The following CIC variants were observed in gnomAD, a reference collection of about 807,000 sequenced individuals.
CIC encodes capicua transcriptional repressor.
A neutral mutation model predicts 115.7 loss-of-function variants in CIC; 18 were observed. The ratio of observed to expected loss-of-function variants is 0.16; its 90% confidence interval spans 0.11 to 0.23. The LOEUF is 0.23. Ranked by LOEUF, CIC falls within the 10% of genes least tolerant of loss-of-function variation. The pLI, the probability that CIC is intolerant of heterozygous loss-of-function variation, is 1.00. For synonymous variants in CIC, 1,076 were observed against 923.0 expected, an observed-to-expected ratio of 1.17 and a Z score of -3.01; for missense variants, 2,000 against 2,159.3, an observed-to-expected ratio of 0.93 and a Z score of 1.46.
intron 2 of CIC, chr19:42,284,456 G>GGGGCC (rs1017211045): frequency 2.1e-5 from 3 of 145,062 alleles, no homozygotes; most frequent in African/African-American, 4.9e-5. Context: ...GGGGCGGGGC[G>GGGGCC]GGGCCGGTGC....
chr19:42,286,661 G>A, intron 2 of CIC, 110 bp from the exon 3 acceptor site: 2 of 1,392,660 alleles, frequency 1.4e-6, no homozygotes, highest in Non-Finnish European at 1.0e-6. Context: ...TGTTGGGGGT[G>A]GGGGGTAGAC....
Position 42,273,892 on chromosome 19 carries a change from G to A in CIC, c.2109G>A (p.Leu703=). 2.5e-6 allele frequency: 1 copy of A among 398,404 alleles called. No individual in the cohort carries two copies. Among genetic ancestry groups the A allele is most frequent in the Non-Finnish European group, 4.4e-6 (1 of 226,046 alleles). The allele number at this position is 398,404 out of a possible 1,614,324, so 24.7% of individuals were successfully genotyped here. A position where few individuals can be genotyped will look rare whatever the true frequency, so the allele number is the denominator to read the frequency against. Residue 703 remains leucine (L), a synonymous_variant, in exon 2 of 21, where the codon CTG becomes CTA. Coordinates refer to ENST00000681038, the MANE Select transcript of CIC (RefSeq NM_001386298.1). ...SGILPTFQTN[L]TFTVPISPGR... is the part of the protein sequence containing the mutation. ...TCCTACCCACCTTCCAGACCAACCTGACCTTCACCGTGCCCATCAGCCCTG... is the reference window on the plus strand; with the variant it reads ...TCCTACCCACCTTCCAGACCAACCTAACCTTCACCGTGCCCATCAGCCCTG...
In CIC at chr19:42,292,280, C is replaced by T. The variant is rs754435563; in HGVS notation, c.5736-20C>T. On this transcript the variant is annotated intron_variant, in intron 13 of 20. Transcript: ENST00000681038. ...GGGGCCGGCTTACCTCACTCCTCCC[C>T]ATTTCCTCTCCTGCGGCAGAATCAC... 3.1e-6 allele frequency: 5 copies of T among 1,613,378 alleles called. No individual in the cohort carries two copies. Among genetic ancestry groups the T allele is most frequent in the African/African-American group, 2.7e-5 (2 of 74,946 alleles).
rs2037891543 is a variant in CIC, at chr19:42,289,221, C to T, written c.3902C>T (p.Ser1301Phe). 6.2e-7 allele frequency: 1 copy of T among 1,613,470 alleles called. No homozygotes were observed. Among genetic ancestry groups the T allele is most frequent in the Non-Finnish European group, 8.5e-7 (1 of 1,180,026 alleles). The change falls in exon 9 of 21, where the codon TCT becomes TTT. Residue 1301 changes from serine (S) to phenylalanine (F), a missense_variant. Physicochemically the swap from Ser to Phe is radical, Grantham distance 155. Coordinates refer to ENST00000681038, the MANE Select transcript of CIC (RefSeq NM_001386298.1). ...GCATCGTACTCTGGCCCAAAGCCTT[C>T]TACCCAGTATGGAGCTCCAGGACCC... ...GPASYSGPKPSTQYGAPGPFA... is the reference protein window; with the variant it reads ...GPASYSGPKPFTQYGAPGPFA...
chr19:42,268,903 G>T (rs898601175), upstream of CIC, among the ~76,000 whole-genome samples: 3 of 152,184 alleles, frequency 2.0e-5, no homozygotes, highest in Admixed American at 2.0e-4. Context: ...CACAGAGGCT[G>T]GGTTCCGGCC....
At chr19:42,291,824 TTTCTCC>T (rs1055046722) in intron 12 of CIC, 79 bp downstream of exon 12, 6 of 1,546,466 alleles carry the variant, frequency 3.9e-6, no homozygotes, top group Non-Finnish European at 5.4e-6. Context: ...TTTTCAGTCT[TTTCTCC>T]TTCTCCATGT....
intron 7 of CIC, 126 bp downstream of exon 7, chr19:42,288,101 C>T (rs2037786396): frequency 1.2e-5 from 14 of 1,127,730 alleles, no homozygotes; most frequent in Non-Finnish European, 1.7e-5. Context: ...TTTGGCGACC[C>T]TTATCCGTAA....
intron 12 of CIC, 147 bp from the exon 13 acceptor site, chr19:42,291,939 C>T (rs1568520683): frequency 1.1e-5 from 15 of 1,322,540 alleles, no homozygotes; most frequent in African/African-American, 2.9e-5. Context: ...TGTGTCCCCA[C>T]CTCTCACTGT....
Position 42,293,075 on chromosome 19 carries a change from T to A in CIC, c.6316T>A (p.Ser2106Thr), listed in dbSNP as rs2147319824. 1 of 1,611,358 alleles carries A rather than the reference T, an allele frequency of 6.2e-7. No homozygotes were observed. ...CGTGGGGTCCTTTGAGGCAGGTGCC[T>A]CTGGGCGGCCTGGCCCTGCACCCCG... ...IPVGSFEAGA[S>T]GRPGPAPRQP... Residue 2106 changes from serine to threonine, a missense_variant, in exon 16 of 21, where the codon TCT becomes ACT. Physicochemically the swap from Ser to Thr is moderately conservative, Grantham distance 58. Around this residue, in one of 8 missense-constraint regions of CIC, gnomAD observed 1,466 missense variants for 1,390.4 expected, o/e 1.05. Transcript: ENST00000681038.
intron 2 of CIC, among the ~76,000 whole-genome samples, chr19:42,281,926 G>A (rs1427265612): frequency 6.6e-6 from 1 of 152,250 alleles, no homozygotes; most frequent in Admixed American, 6.5e-5. Flanking sequence ...GGGGGGCAGA[G>A]CTCCTCTGAG....
chr19:42,289,903 C>T lies in CIC; in HGVS notation c.4143C>T (p.Thr1381=), dbSNP rs201788031. Residue 1381 remains threonine, a synonymous_variant, in exon 10 of 21, where the codon ACC becomes ACT. Transcript: ENST00000681038. ...ATCTCAAGTGCAAGGAGCGGGTGACCGACAGCGAGAGTGGGGACAGCTCTG... is the reference window on the plus strand; with the variant it reads ...ATCTCAAGTGCAAGGAGCGGGTGACTGACAGCGAGAGTGGGGACAGCTCTG... The part of the protein sequence containing the change: ...DIDLKCKERV[T]DSESGDSSGE... 3.4e-5 allele frequency: 54 copies of T among 1,610,276 alleles called. No individual in the cohort carries two copies. The highest frequency in any genetic ancestry group is 1.1e-4 in the African/African-American group (8 of 74,968).
Position 42,293,749 on chromosome 19 carries a change from C to A in CIC, c.6680C>A (p.Thr2227Asn), listed in dbSNP as rs774194305. ...AGCAGTGGGCGGGCAGCCGGGGACACCCCGGAGCGCAAGGAGGCGGCTGGT... is the reference window on the plus strand; with the variant it reads ...AGCAGTGGGCGGGCAGCCGGGGACAACCCGGAGCGCAAGGAGGCGGCTGGT... ...ESSSGRAAGD[T>N]PERKEAAGTG... The change falls in exon 17 of 21, where the codon ACC becomes AAC. Residue 2227 changes from threonine (T) to asparagine (N), a missense_variant. Around this residue, in one of 8 missense-constraint regions of CIC, gnomAD observed 1,466 missense variants for 1,390.4 expected, o/e 1.05. Coordinates refer to ENST00000681038, the MANE Select transcript of CIC (RefSeq NM_001386298.1). 3 of 1,612,834 alleles carry A rather than the reference C, an allele frequency of 1.9e-6. No homozygotes were observed. The highest frequency in any genetic ancestry group is 2.5e-6 in the Non-Finnish European group (3 of 1,179,782).
intron 2 of CIC, among the ~76,000 whole-genome samples, chr19:42,279,031 A>AC (rs2037105341): frequency 6.6e-6 from 1 of 151,810 alleles, no homozygotes; most frequent in African/African-American, 2.4e-5. Context: ...CTCCCCCTTT[A>AC]CCCCTTGCCT....
Position 42,289,007 on chromosome 19 carries a change from C to T in CIC, c.3778C>T (p.Arg1260Trp). ...LHTVGGPGSA[R>W]PRAFSHSGVH... ...CACAGTTGGGGGACCTGGCTCAGCCCGGCCCCGAGCTTTCTCCCACAGCGG... is the reference window on the plus strand; with the variant it reads ...CACAGTTGGGGGACCTGGCTCAGCCTGGCCCCGAGCTTTCTCCCACAGCGG... Residue 1260 changes from arginine (R) to tryptophan (W), a missense_variant, in exon 8 of 21, where the codon CGG (arginine) becomes TGG (tryptophan). Transcript: ENST00000681038. 10 of 1,613,860 alleles carry T rather than the reference C, an allele frequency of 6.2e-6. No homozygotes were observed. Among genetic ancestry groups the T allele is most frequent in the South Asian group, 1.1e-5 (1 of 91,090 alleles).
rs2037887356 is a variant in CIC, at chr19:42,289,175, C to T, written c.3862-6C>T. The T allele has an allele frequency of 6.2e-7, 1 of 1,613,314 alleles. No individual in the cohort carries two copies. The highest frequency in any genetic ancestry group is 8.5e-7 in the Non-Finnish European group (1 of 1,180,022). On this transcript the variant is annotated splice_region_variant and splice_polypyrimidine_tract_variant and intron_variant, in intron 8 of 20. Transcript: ENST00000681038. The stretch of plus-strand genomic sequence containing the variant: ...CGCTGAACCCTCTCTGCCACCTATC[C>T]TGCAGATGGTGTCTGGCCCTGCATC...
chr19:42,284,902 C>G (rs1462575553), intron 2 of CIC: 2 of 853,200 alleles, frequency 2.3e-6, no homozygotes, highest in Admixed American at 2.1e-5. Context: ...GGGAAAGTTA[C>G]GGAGCTCGGC....
rs749238612 is a variant in CIC, at chr19:42,290,656, A to G, written c.4615A>G (p.Thr1539Ala). 1 of 1,613,414 alleles carries G rather than the reference A, an allele frequency of 6.2e-7. No homozygotes were observed. Among genetic ancestry groups the G allele is most frequent in the South Asian group, 1.1e-5 (1 of 91,084 alleles). ...CAGCGGAGGAGGAAACATCCTGCAGACACTGGTGCTGCCCCCAAACAAGGA... is the reference window on the plus strand; with the variant it reads ...CAGCGGAGGAGGAAACATCCTGCAGGCACTGGTGCTGCCCCCAAACAAGGA... ...PPSGGGNILQ[T>A]LVLPPNKEEQ... The change falls in exon 11 of 21, where the codon ACA becomes GCA. Residue 1539 changes from threonine (T) to alanine (A), a missense_variant. Physicochemically the swap from Thr to Ala is moderately conservative, Grantham distance 58. Coordinates refer to ENST00000681038, the MANE Select transcript of CIC (RefSeq NM_001386298.1).
intron 10 of CIC, 76 bp downstream of exon 10, chr19:42,290,027 G>C: frequency 7.0e-7 from 1 of 1,429,678 alleles, no homozygotes; most frequent in Admixed American, 1.8e-5. Context: ...TCCCGGGCTT[G>C]AGAGAGGGGG....
At chr19:42,288,866 A>G in intron 7 of CIC, 22 bp from the exon 8 acceptor site, 1 of 1,610,576 alleles carries the variant, frequency 6.2e-7, no homozygotes, top group Non-Finnish European at 8.5e-7. Context: ...TGACTGTCAT[A>G]GCGCCACTCT....
Sources: gnomAD v4.1 joint callset for allele counts (sites outside exome capture counted in the v4.1 genomes callset) on GRCh38, gnomAD v4.1.1 for gene constraint, gnomAD v4.1.1 regional missense constraint, MANE v1.5 for transcripts, NCBI Gene and HGNC (gene_info 2026-07-23, HGNC 2026-07-21) for gene names.